Variants in CCDC13 observed in about 807,000 individuals in gnomAD.
The protein encoded by CCDC13 is coiled-coil domain-containing protein 13.
Under a neutral mutation model 87.3 loss-of-function variants are expected in CCDC13, and 70 were observed. The ratio of observed to expected loss-of-function variants is 0.80; its 90% confidence interval spans 0.66 to 0.98. The LOEUF (loss-of-function observed/expected upper bound fraction) is 0.98. Among genes scored for constraint, CCDC13 ranks in the 50% least tolerant of loss-of-function variants. CCDC13 has a pLI of 0.00. For synonymous variants in CCDC13, 317 were observed against 360.3 expected, an observed-to-expected ratio of 0.88 and a Z score of 1.36; for missense variants, 842 against 892.0, an observed-to-expected ratio of 0.94 and a Z score of 0.71.
intron 1 of CCDC13, among the ~76,000 whole-genome samples, chr3:42,768,287 T>C (rs1198017518): frequency 6.6e-6 from 1 of 152,094 alleles, no homozygotes; most frequent in Non-Finnish European, 1.5e-5. Flanking sequence ...TGACCTTGGG[T>C]TTGGCTATGA....
intron 13 of CCDC13, among the ~76,000 whole-genome samples, chr3:42,720,532 T>C (rs2125874338): frequency 6.6e-6 from 1 of 152,352 alleles, no homozygotes; most frequent in East Asian, 1.9e-4. Flanking sequence ...GTTAACACTG[T>C]AACATGTAAT....
chr3:42,756,022 G>C (rs2125908024), intron 3 of CCDC13, among the ~76,000 whole-genome samples: 2 of 152,330 alleles, frequency 1.3e-5, no homozygotes, highest in South Asian at 4.1e-4. Flanking sequence ...AGAATGGAGG[G>C]AGGTGCATTA....
Position 42,751,833 on chromosome 3 carries a change from TGGGGGTG to T in CCDC13, c.603+96_603+102del, listed in dbSNP as rs554595817. 371 of 1,011,362 alleles carry T rather than the reference TGGGGGTG, an allele frequency of 3.7e-4. 2 individuals carry two copies. The East Asian group carries it at 5.4e-3, about 15-fold the overall frequency. The allele number at this position is 1,011,362 out of a possible 1,614,324, so 62.6% of individuals were successfully genotyped here. On this transcript the variant is annotated intron_variant, in intron 5 of 15. Transcript: ENST00000310232. ...CTGGCTCGGCAGCGGGGTTGGGGGT[TGGGGGTG>T]GACCTCGGGTAGAGGTACCTACACA...
At chr3:42,710,972 G>A (rs1032537497) in intron 14 of CCDC13, among the ~76,000 whole-genome samples, 14 of 152,086 alleles carry the variant, frequency 9.2e-5, no homozygotes, top group African/African-American at 3.4e-4. Context: ...TCAGCCGGGT[G>A]CGGTGGCTCA....
intron 8 of CCDC13, among the ~76,000 whole-genome samples, chr3:42,742,312 G>A (rs904680768): frequency 6.6e-6 from 1 of 152,202 alleles, no homozygotes; most frequent in Non-Finnish European, 1.5e-5. Context: ...GAGGAGAGAA[G>A]CTGGGACTAC....
intron 1 of CCDC13, 41 bp from the exon 2 acceptor site, chr3:42,758,392 C>T (rs765250197): frequency 1.3e-6 from 2 of 1,591,434 alleles, no homozygotes; most frequent in South Asian, 1.1e-5. Context: ...GCAAACTCCA[C>T]ACCGAGCGCT....
chr3:42,770,385 C>T (rs1237554173), intron 1 of CCDC13, among the ~76,000 whole-genome samples: 2 of 152,124 alleles, frequency 1.3e-5, no homozygotes, highest in Non-Finnish European at 2.9e-5. Context: ...TGTAAATGCA[C>T]CAATTGACAT....
chr3:42,737,070 C>G (rs903736765), intron 9 of CCDC13, among the ~76,000 whole-genome samples: 1 of 152,116 alleles, frequency 6.6e-6, no homozygotes, highest in African/African-American at 2.4e-5. Flanking sequence ...CCCAGCCCCC[C>G]ACCCACCGAC....
intron 3 of CCDC13, among the ~76,000 whole-genome samples, chr3:42,753,086 G>A (rs146882333): frequency 0.017 from 2,633 of 152,282 alleles, 30 homozygotes; most frequent in Middle Eastern, 0.031. Context: ...GTCCCCTTGG[G>A]CCTTCTATGA....
At chr3:42,730,836 A>T (rs1484999261) in intron 12 of CCDC13, among the ~76,000 whole-genome samples, 1 of 152,022 alleles carries the variant, frequency 6.6e-6, no homozygotes, top group Non-Finnish European at 1.5e-5. Context: ...ACCTCTGTCC[A>T]TCCAAGCCCT....
intron 7 of CCDC13, 71 bp from the exon 8 acceptor site, chr3:42,743,128 G>A (rs1463856580): frequency 2.6e-6 from 4 of 1,564,298 alleles, no homozygotes; most frequent in East Asian, 4.5e-5. Flanking sequence ...AGTGTGATAG[G>A]AGACCCCACA....
chr3:42,739,548 G>A, intron 9 of CCDC13, 86 bp downstream of exon 9: 1 of 1,454,362 alleles, frequency 6.9e-7, no homozygotes, highest in Admixed American at 2.1e-5. Flanking sequence ...TGAGGGGTGA[G>A]TGAGGGCTCA....
chr3:42,734,323 C>T (rs1575293795), intron 10 of CCDC13, among the ~76,000 whole-genome samples: 2 of 152,200 alleles, frequency 1.3e-5, no homozygotes, highest in Admixed American at 6.5e-5. Flanking sequence ...CTGGTGACCT[C>T]GGAGGTAGGA....
intron 13 of CCDC13, 128 bp downstream of exon 13, chr3:42,730,339 A>G: frequency 1.5e-6 from 2 of 1,330,962 alleles, no homozygotes; most frequent in East Asian, 2.5e-5. Flanking sequence ...AGTTGTGGCT[A>G]GGAATGCCCT....
intron 1 of CCDC13, among the ~76,000 whole-genome samples, chr3:42,771,610 C>G (rs185230140): frequency 1.3e-5 from 2 of 152,106 alleles, no homozygotes; most frequent in African/African-American, 2.4e-5. Context: ...AAAAAATTAG[C>G]TGGGCATGGT....
rs1699267615 is a variant in CCDC13 at position 42,742,989 on chromosome 3, C to T, written c.894G>A (p.Leu298=). 3.1e-6 allele frequency: 5 copies of T among 1,614,192 alleles called. No individual in the cohort carries two copies. The African/African-American group carries it at 5.3e-5, about 17-fold the overall frequency. The change falls in exon 8 of 16, where the codon TTG becomes TTA. Residue 298 remains leucine (L), a synonymous_variant. Transcript: ENST00000310232. ...SQSAGTASDE[L]SVYPDPRKLS... is the part of the protein sequence containing the mutation. ...GCTTCCTTGGGTCTGGATAGACAGA[C>T]AACTCATCACTGGCTGTTCCCGCAG...
chr3:42,711,246 C>CAAAAAAAAAAAA lies in CCDC13; in HGVS notation c.1874-1460_1874-1449dup, dbSNP rs1174084143. On this transcript the variant is annotated intron_variant, in intron 14 of 15. Transcript: ENST00000310232. ...GAGGGACAGAGTGAGACTCTGTCTC[C>CAAAAAAAAAAAA]AAAAAAAAAAAAAAAAAAAAGACAA... is the stretch of plus-strand genomic sequence containing the variant. Among the ~76,000 whole-genome samples the CAAAAAAAAAAAA allele has an allele frequency of 3.7e-4, 28 of 75,322 alleles. 1 individual carries two copies. Among genetic ancestry groups the CAAAAAAAAAAAA allele is most frequent in the African/African-American group, 1.4e-3 (25 of 17,914 alleles). The allele number at this position is 75,322 out of a possible 152,430, so 49.4% of individuals were successfully genotyped here.
At chr3:42,738,754 T>C (rs1313194887) in intron 9 of CCDC13, among the ~76,000 whole-genome samples, 1 of 152,216 alleles carries the variant, frequency 6.6e-6, no homozygotes, top group Non-Finnish European at 1.5e-5. Flanking sequence ...TTTTTGCACA[T>C]TGATTTTGTA....
chr3:42,751,614 C>T (rs560659530), intron 5 of CCDC13, among the ~76,000 whole-genome samples: 80 of 152,350 alleles, frequency 5.3e-4, no homozygotes, highest in Admixed American at 2.0e-3. Flanking sequence ...TCAGTTGGAC[C>T]AGGCCTTCCC....
Sources: gnomAD v4.1 joint callset for allele counts (sites outside exome capture counted in the v4.1 genomes callset) on GRCh38, gnomAD v4.1.1 for gene constraint, MANE v1.5 for transcripts, NCBI Gene and HGNC (gene_info 2026-07-23, HGNC 2026-07-21) for gene names.